The following LRPPRC variants were observed in gnomAD, a reference collection of about 807,000 sequenced individuals.
The protein encoded by LRPPRC is leucine rich pentatricopeptide repeat containing.
In LRPPRC, 120 loss-of-function variants were observed where a neutral mutation model predicts 180.3. The observed-to-expected ratio is 0.67, with a 90% confidence interval of 0.57 to 0.77. LRPPRC has a LOEUF of 0.77. Among genes scored for constraint, LRPPRC ranks in the 30% least tolerant of loss-of-function variants. The probability of loss-of-function intolerance (pLI) is 0.00; values close to 1 mark genes in which losing one functional copy is unlikely to be tolerated. For synonymous variants in LRPPRC, 723 were observed against 600.0 expected, an observed-to-expected ratio of 1.21 and a Z score of -3.00; for missense variants, 2,012 against 1,657.2, an observed-to-expected ratio of 1.21 and a Z score of -3.72.
rs17031759 is a variant in LRPPRC at position 43,915,330 on chromosome 2, C to T, written c.3148+2695G>A. On this transcript the variant is annotated intron_variant, in intron 29 of 37. Coordinates refer to ENST00000260665, the MANE Select transcript of LRPPRC (RefSeq NM_133259.4). Reference sequence around the variant, plus strand: ...TAATCAAGCTTAATTTTATACTTCGCTTTCAAAGATGCATAGTGTGTACTC... The same window carrying T: ...TAATCAAGCTTAATTTTATACTTCGTTTTCAAAGATGCATAGTGTGTACTC... Among the ~76,000 whole-genome samples, 5 of 151,502 alleles carry T rather than the reference C, an allele frequency of 3.3e-5. No homozygotes were observed. The East Asian group carries it at 9.7e-4, about 29-fold the overall frequency.
rs1671559261 is a variant in LRPPRC, at chr2:43,918,457, A to C, written c.2897-59T>G. ...AAATATGCTAAACAGAATACACAAA[A>C]ATATTTAGAACTTTTTCTTATTTGA... On this transcript the variant is annotated intron_variant, in intron 27 of 37. Transcript: ENST00000260665. 6.1e-5 allele frequency: 74 copies of C among 1,208,256 alleles called. 1 individual carries two copies. In the South Asian group the frequency reaches 7.9e-4, roughly 13 times the overall value. 74.8% of individuals were successfully genotyped at this position (1,208,256 alleles called of 1,614,324 possible).
chr2:43,942,300 T>C (rs969022394), intron 23 of LRPPRC, among the ~76,000 whole-genome samples: 10 of 152,180 alleles, frequency 6.6e-5, no homozygotes, highest in South Asian at 2.1e-4. Context: ...TTCTGTAGAG[T>C]TGCACATGCA....
chr2:43,986,459 CTTT>C (rs1674530790), intron 1 of LRPPRC, among the ~76,000 whole-genome samples: 1 of 152,150 alleles, frequency 6.6e-6, no homozygotes, highest in African/African-American at 2.4e-5. Context: ...CTTCTCTCCA[CTTT>C]TTTTCTTCTT....
intron 22 of LRPPRC, among the ~76,000 whole-genome samples, chr2:43,944,767 C>CTTAG (rs971102246): frequency 9.9e-5 from 15 of 152,088 alleles, no homozygotes; most frequent in Middle Eastern, 3.4e-3. Flanking sequence ...TTTTATTAGG[C>CTTAG]TTAGCATTAT....
At position 43,915,349 on chromosome 2, in the gene LRPPRC, T is replaced by A. The variant is rs113536279; in HGVS notation, c.3148+2676A>T. On this transcript the variant is annotated intron_variant, in intron 29 of 37. Coordinates refer to ENST00000260665, the MANE Select transcript of LRPPRC (RefSeq NM_133259.4). ...ACTTCGCTTTCAAAGATGCATAGTG[T>A]GTACTCAAAGATATATAGACTGAAT... 4.1e-4 allele frequency among the ~76,000 whole-genome samples: 63 copies of A among 151,976 alleles called. 1 individual carries two copies. Among genetic ancestry groups the A allele is most frequent in the African/African-American group, 1.4e-3 (60 of 41,436 alleles).
intron 2 of LRPPRC, among the ~76,000 whole-genome samples, chr2:43,980,725 G>C (rs1157719804): frequency 6.6e-6 from 1 of 152,112 alleles, no homozygotes; most frequent in East Asian, 1.9e-4. Context: ...ATCCCTGAAA[G>C]CTGACTTTAA....
intron 6 of LRPPRC, among the ~76,000 whole-genome samples, chr2:43,975,644 G>A (rs1328780726): frequency 6.6e-6 from 1 of 151,412 alleles, no homozygotes; most frequent in African/African-American, 2.4e-5. Flanking sequence ...GTGCAATGGT[G>A]TAATCTCGGC....
Position 43,894,744 on chromosome 2 carries a change from A to C in LRPPRC, c.3901-115T>G, listed in dbSNP as rs1382171418. 2.3e-5 allele frequency: 16 copies of C among 683,612 alleles called. No individual in the cohort carries two copies. In the East Asian group the frequency reaches 4.3e-4, roughly 19 times the overall value. 42.3% of individuals were successfully genotyped at this position (683,612 alleles called of 1,614,324 possible). ...CACAATAATTATAACAGAACTACCT[A>C]TTAAATTTAATGCACTATTGTCCCT... On this transcript the variant is annotated intron_variant, in intron 35 of 37. Transcript: ENST00000260665.
chr2:43,946,493 G>C (rs1335952145), intron 20 of LRPPRC, among the ~76,000 whole-genome samples: 2 of 151,976 alleles, frequency 1.3e-5, no homozygotes, highest in East Asian at 1.9e-4. Flanking sequence ...TGCCAAATTT[G>C]ATGTTTTAGG....
chr2:43,936,103 C>T (rs2105063151), intron 23 of LRPPRC, among the ~76,000 whole-genome samples: 1 of 152,112 alleles, frequency 6.6e-6, no homozygotes, highest in Middle Eastern at 3.4e-3. Context: ...AAAGAAATCC[C>T]TTGGAAGAAC....
In LRPPRC at chr2:43,912,308, T is replaced by A. The variant is rs532050863; in HGVS notation, c.3275+124A>T. 24 of 822,978 alleles carry A rather than the reference T, an allele frequency of 2.9e-5. No individual in the cohort carries two copies. The African/African-American group carries it at 4.0e-4, about 14-fold the overall frequency. The allele number at this position is 822,978 out of a possible 1,614,324, so 51.0% of individuals were successfully genotyped here. Reference sequence around the variant, plus strand: ...AGTTAGTTAACCATTTCATATGATTTTTATGGGTAGCTGAGGCCAATCAAG... The same window carrying A: ...AGTTAGTTAACCATTTCATATGATTATTATGGGTAGCTGAGGCCAATCAAG... On this transcript the variant is annotated intron_variant, in intron 30 of 37. Transcript: ENST00000260665.
intron 30 of LRPPRC, among the ~76,000 whole-genome samples, chr2:43,911,189 A>C (rs1368955456): frequency 1.3e-5 from 2 of 151,472 alleles, no homozygotes; most frequent in Non-Finnish European, 2.9e-5. Flanking sequence ...TTAGGAATTG[A>C]GAAAACACAC....
At chr2:43,949,840 T>C (rs115484853) in intron 15 of LRPPRC, among the ~76,000 whole-genome samples, 181 bp from the exon 16 acceptor site, 1,909 of 152,280 alleles carry the variant, frequency 0.013, 42 homozygotes, top group African/African-American at 0.044. Flanking sequence ...AATAGGTTTG[T>C]CTTTTAAAAA....
At chr2:43,920,079 TA>T (rs1023425078) in intron 27 of LRPPRC, among the ~76,000 whole-genome samples, 9,701 of 79,478 alleles carry the variant, frequency 0.12, 442 homozygotes, top group South Asian at 0.24. Flanking sequence ...ATCAGCAATT[TA>T]AAAAAAAAAA....
chr2:43,988,111 G>C (rs1015330728), intron 1 of LRPPRC, among the ~76,000 whole-genome samples: 2 of 150,984 alleles, frequency 1.3e-5, no homozygotes, highest in East Asian at 2.0e-4. Context: ...ATGGTGGCAG[G>C]TGCCTGTAAT....
chr2:43,984,135 T>G (rs760178954), intron 1 of LRPPRC, among the ~76,000 whole-genome samples: 16 of 152,096 alleles, frequency 1.1e-4, no homozygotes, highest in Non-Finnish European at 2.2e-4. Flanking sequence ...CTATCAGTTG[T>G]TACTAAACTA....
chr2:43,982,169 TG>T, intron 2 of LRPPRC, 68 bp downstream of exon 2: 1 of 1,113,618 alleles, frequency 9.0e-7, no homozygotes, highest in Non-Finnish European at 1.3e-6. Flanking sequence ...CCCAAAGTGC[TG>T]GGATTACAGG....
At chr2:43,971,207 T>G (rs1442497543) in intron 11 of LRPPRC, among the ~76,000 whole-genome samples, 3 of 152,116 alleles carry the variant, frequency 2.0e-5, no homozygotes, top group Non-Finnish European at 4.4e-5. Flanking sequence ...ACATTCTCAT[T>G]TCTATGTTTT....
Position 43,957,398 on chromosome 2 carries a change from G to T in LRPPRC, c.1636C>A (p.Leu546Ile), listed in dbSNP as rs1017670477. 3.1e-6 allele frequency: 5 copies of T among 1,610,926 alleles called. No individual in the cohort carries two copies. Among genetic ancestry groups the T allele is most frequent in the Non-Finnish European group, 4.2e-6 (5 of 1,177,234 alleles). Residue 546 changes from leucine (L) to isoleucine (I), a missense_variant, in exon 14 of 38, where the codon CTA becomes ATA. Transcript: ENST00000260665. ...TGATCATCTTACCTCCTGAAGCCTAGCAGTAGGCTACTTCTTATAGACTGC... is the reference window on the plus strand; with the variant it reads ...TGATCATCTTACCTCCTGAAGCCTATCAGTAGGCTACTTCTTATAGACTGC... ...SLQSIRSSLLLGFRRSMNINL... is the reference protein window; with the variant it reads ...SLQSIRSSLLIGFRRSMNINL...
Sources: allele counts gnomAD v4.1 joint callset (sites outside exome capture counted in the v4.1 genomes callset), GRCh38; gene constraint gnomAD v4.1.1; transcripts MANE v1.5; gene names NCBI Gene and HGNC (gene_info 2026-07-23, HGNC 2026-07-21).